The following LARGE1 variants were observed in gnomAD, a reference collection of about 807,000 sequenced individuals.
The protein encoded by LARGE1 is LARGE xylosyl- and glucuronyltransferase 1.
In LARGE1, 43 loss-of-function variants were observed where a neutral mutation model predicts 87.6. The ratio of observed to expected loss-of-function variants is 0.49; its 90% CI spans 0.38 to 0.63. The LOEUF is 0.63. Among genes scored for constraint, LARGE1 ranks in the 30% least tolerant of loss-of-function variants. LARGE1 has a pLI of 0.00. For missense variants in LARGE1, 802 were observed against 1,000.2 expected, an observed-to-expected ratio of 0.80 and a Z score of 2.67; for synonymous variants, 434 against 394.6, an observed-to-expected ratio of 1.10 and a Z score of -1.18.
At chr22:33,122,958 G>T in the LARGE1 span, among the ~76,000 whole-genome samples, 1 of 152,140 alleles carries the variant, frequency 6.6e-6, no homozygotes, top group Non-Finnish European at 1.5e-5. Context: ...GGCAGCAGGG[G>T]GCATAGGCTG....
At chr22:33,373,972 CAAA>C (rs35830988) in intron 9 of LARGE1, among the ~76,000 whole-genome samples, 2 of 59,532 alleles carry the variant, frequency 3.4e-5, no homozygotes, top group Non-Finnish European at 6.2e-5. Context: ...GACTCCGTCT[CAAA>C]AAAAAAAAAA....
At chr22:33,141,601 A>G in the LARGE1 span, among the ~76,000 whole-genome samples, 52 of 152,214 alleles carry the variant, frequency 3.4e-4, no homozygotes, top group East Asian at 0.01. Context: ...TTTTTAGAGT[A>G]AAAGGGACAG....
rs186450946 is a variant in LARGE1 at position 33,277,705 on chromosome 22, C to T, written c.1878-450G>A. 1.2e-3 allele frequency among the ~76,000 whole-genome samples: 186 copies of T among 152,290 alleles called. 2 individuals carry two copies. The highest frequency in any genetic ancestry group is 4.3e-3 in the African/African-American group (180 of 41,546). On this transcript the variant is annotated intron_variant, in intron 13 of 14. Coordinates refer to ENST00000397394, the MANE Select transcript of LARGE1 (RefSeq NM_133642.5). The stretch of plus-strand genomic sequence containing the variant: ...TGCTGACAGCTTGATCTTGGACTTC[C>T]GGCCTCCAGAATTGTGAGAGAATAA...
intron 2 of LARGE1, 133 bp downstream of exon 2, chr22:33,761,238 C>T: frequency 1.2e-5 from 10 of 834,304 alleles, no homozygotes; most frequent in Non-Finnish European, 1.0e-5. Flanking sequence ...CTGTGTGATT[C>T]TAGACAAGTC....
chr22:33,650,481 G>A lies in LARGE1; in HGVS notation c.294C>T (p.His98=). 2 of 1,613,964 alleles carry A rather than the reference G, an allele frequency of 1.2e-6. No homozygotes were observed. Among genetic ancestry groups the A allele is most frequent in the Non-Finnish European group, 1.7e-6 (2 of 1,180,042 alleles). ...CCTCCTCCATGGAGTAGGTCTTGGA[G>A]TGGTTGCCTCGGCGATGGGATGGGG... ...GRAPSHRRGN[H]SKTYSMEEGT... is the part of the protein sequence containing the mutation. The change falls in exon 3 of 15, where the codon CAC becomes CAT. Residue 98 remains histidine (H), a synonymous_variant. Coordinates refer to ENST00000397394, the MANE Select transcript of LARGE1 (RefSeq NM_133642.5).
intron 11 of LARGE1, among the ~76,000 whole-genome samples, chr22:33,192,816 C>A (rs75832201): frequency 0.024 from 3,577 of 152,174 alleles, 104 homozygotes; most frequent in African/African-American, 0.077. Context: ...ACATTTAAGA[C>A]CTTAATTCAT....
intron 1 of LARGE1, among the ~76,000 whole-genome samples, chr22:33,793,146 CATT>C (rs1433801807): frequency 1.3e-5 from 2 of 152,196 alleles, no homozygotes; most frequent in African/African-American, 4.8e-5. Flanking sequence ...TTCAATGTGG[CATT>C]ATTATTCACA....
At chr22:33,917,449 C>T (rs914151278) in intron 1 of LARGE1, among the ~76,000 whole-genome samples, 10 of 152,098 alleles carry the variant, frequency 6.6e-5, no homozygotes, top group Non-Finnish European at 7.4e-5. Flanking sequence ...GCAACTACAC[C>T]GTCAAATGTT....
At chr22:33,091,096 C>T in the LARGE1 span, among the ~76,000 whole-genome samples, 797 of 152,266 alleles carry the variant, frequency 5.2e-3, 3 homozygotes, top group African/African-American at 0.018. Context: ...TTGCCATATC[C>T]CTAGAGTTTT....
chr22:33,691,401 C>T (rs1001312950), intron 2 of LARGE1, among the ~76,000 whole-genome samples: 2 of 152,092 alleles, frequency 1.3e-5, no homozygotes, highest in African/African-American at 4.8e-5. Context: ...AAGCCATGCA[C>T]ACGACATTGA....
the LARGE1 span, among the ~76,000 whole-genome samples, chr22:33,127,158 G>A: frequency 1.1e-4 from 17 of 152,174 alleles, no homozygotes; most frequent in Non-Finnish European, 2.2e-4. Flanking sequence ...TGGATCAAAC[G>A]GAACGCATAG....
At chr22:33,855,208 C>A (rs1228541899) in intron 1 of LARGE1, among the ~76,000 whole-genome samples, 1 of 152,076 alleles carries the variant, frequency 6.6e-6, no homozygotes, top group Non-Finnish European at 1.5e-5. Flanking sequence ...GGTGGCGGTA[C>A]CTGTAGTTCC....
At chr22:33,604,688 G>C in intron 4 of LARGE1, 130 bp from the exon 5 acceptor site, 1 of 1,242,274 alleles carries the variant, frequency 8.0e-7, no homozygotes. Flanking sequence ...AGTAAATCTG[G>C]AATGTTACGA....
At chr22:33,268,488 C>T (rs960905799), downstream of LARGE1, among the ~76,000 whole-genome samples, 31 of 145,998 alleles carry the variant, frequency 2.1e-4, no homozygotes, top group African/African-American at 8.0e-4. Flanking sequence ...GAGTGCATGG[C>T]GCGATCTTGG....
intron 12 of LARGE1, among the ~76,000 whole-genome samples, chr22:33,285,225 T>G (rs1179951932): frequency 1.3e-5 from 2 of 152,148 alleles, no homozygotes; most frequent in Non-Finnish European, 2.9e-5. Context: ...CATGGCTGTC[T>G]GTTTCCATCT....
chr22:33,720,622 C>G lies in LARGE1; in HGVS notation c.106+40749G>C, dbSNP rs146730241. 3.9e-5 allele frequency among the ~76,000 whole-genome samples: 6 copies of G among 152,294 alleles called. No homozygotes were observed. The East Asian group carries it at 9.6e-4, about 24-fold the overall frequency. ...GTTTTCTTTACTGAGAGTGACTGCACCAGCACACACTTGAGGTCCAAGTCC... is the reference window on the plus strand; with the variant it reads ...GTTTTCTTTACTGAGAGTGACTGCAGCAGCACACACTTGAGGTCCAAGTCC... On this transcript the variant is annotated intron_variant, in intron 2 of 14. Coordinates refer to ENST00000397394, the MANE Select transcript of LARGE1 (RefSeq NM_133642.5).
chr22:33,504,782 C>G (rs781144784), intron 6 of LARGE1, among the ~76,000 whole-genome samples: 8 of 152,098 alleles, frequency 5.3e-5, no homozygotes, highest in Non-Finnish European at 8.8e-5. Context: ...CTCACAGTTG[C>G]TATAAGATAC....
Position 33,395,269 on chromosome 22 carries a change from C to A in LARGE1, c.893-10965G>T, listed in dbSNP as rs562979507. On this transcript the variant is annotated intron_variant, in intron 7 of 14. Coordinates refer to ENST00000397394, the MANE Select transcript of LARGE1 (RefSeq NM_133642.5). ...AAAAGCCAGGAAAACTAGGGCTTCCCTGAGGACAGTCCTGTATGAAAAGGA... is the reference window on the plus strand; with the variant it reads ...AAAAGCCAGGAAAACTAGGGCTTCCATGAGGACAGTCCTGTATGAAAAGGA... Among the ~76,000 whole-genome samples, 3 of 147,320 alleles carry A rather than the reference C, an allele frequency of 2.0e-5. No individual in the cohort carries two copies. The East Asian group carries it at 6.0e-4, about 29-fold the overall frequency.
intron 1 of LARGE1, among the ~76,000 whole-genome samples, chr22:33,881,699 G>GA (rs2064688698): frequency 6.6e-6 from 1 of 152,116 alleles, no homozygotes; most frequent in Non-Finnish European, 1.5e-5. Flanking sequence ...ACCTTATTTT[G>GA]AAAAAGACCC....
Sources: allele counts gnomAD v4.1 joint callset (sites outside exome capture counted in the v4.1 genomes callset), GRCh38; gene constraint gnomAD v4.1.1; transcripts MANE v1.5; gene names NCBI Gene and HGNC (gene_info 2026-07-23, HGNC 2026-07-21).